CDH4: variants seen among roughly 807,000 people sequenced by gnomAD.
The protein encoded by CDH4 is cadherin-4.
In CDH4, 33 loss-of-function variants were observed where a neutral mutation model predicts 86.0. The observed-to-expected ratio is 0.38, with a 90% CI of 0.29 to 0.51. The LOEUF (loss-of-function observed/expected upper bound fraction) is 0.51, where lower values mean the gene tolerates loss of function less well. CDH4 is among the 20% of genes least tolerant of loss of function. CDH4 has a pLI of 0.86. For synonymous variants in CDH4, 555 were observed against 549.4 expected (o/e 1.01, Z -0.14); for missense variants, 1,114 against 1,307.4 (o/e 0.85, Z 2.28).
chr20:61,746,660 A>T (rs960850259), intron 3 of CDH4, among the ~76,000 whole-genome samples: 9 of 152,246 alleles, frequency 5.9e-5, no homozygotes, highest in East Asian at 1.9e-4. Context: ...AATTCACACA[A>T]CTTTGAGGTG....
intron 4 of CDH4, among the ~76,000 whole-genome samples, chr20:61,799,252 T>G (rs1304035760): frequency 2.0e-5 from 3 of 152,182 alleles, no homozygotes; most frequent in Admixed American, 6.5e-5. Flanking sequence ...TGCAAAGAGG[T>G]AGGTCTGTGC....
At chr20:61,257,916 A>G (rs1020223170) in intron 2 of CDH4, among the ~76,000 whole-genome samples, 1 of 152,144 alleles carries the variant, frequency 6.6e-6, no homozygotes, top group Non-Finnish European at 1.5e-5. Context: ...CCCGGGTCGT[A>G]TCTCCCCTCT....
intron 2 of CDH4, among the ~76,000 whole-genome samples, chr20:61,675,146 C>A (rs1035267458): frequency 2.0e-5 from 3 of 152,212 alleles, no homozygotes; most frequent in African/African-American, 7.2e-5. Flanking sequence ...TGGCAGAAAT[C>A]CCTGCAGCTG....
chr20:61,472,584 T>C (rs2085510962), intron 2 of CDH4, among the ~76,000 whole-genome samples: 1 of 152,210 alleles, frequency 6.6e-6, no homozygotes, highest in Admixed American at 6.5e-5. Context: ...TTTCAAATAA[T>C]ACCTTATAAC....
At chr20:61,840,008 C>T (rs1190460682) in intron 4 of CDH4, among the ~76,000 whole-genome samples, 1 of 152,084 alleles carries the variant, frequency 6.6e-6, no homozygotes, top group Non-Finnish European at 1.5e-5. Flanking sequence ...CAAACTGACT[C>T]ACTCTGACCC....
chr20:61,409,086 A>G (rs1300753270), intron 2 of CDH4, among the ~76,000 whole-genome samples: 3 of 152,358 alleles, frequency 2.0e-5, no homozygotes, highest in East Asian at 1.9e-4. Context: ...TCTGTCTTCA[A>G]AGACCCAGCT....
At chr20:61,773,271 G>A (rs562259643) in intron 4 of CDH4, 89 bp downstream of exon 4, 15 of 1,290,850 alleles carry the variant, frequency 1.2e-5, no homozygotes, top group Admixed American at 2.7e-5. Flanking sequence ...GGCGGGTTCC[G>A]CGTTTGGTGT....
At chr20:61,388,734 A>G (rs1171581219) in intron 2 of CDH4, among the ~76,000 whole-genome samples, 2 of 152,228 alleles carry the variant, frequency 1.3e-5, no homozygotes, top group Non-Finnish European at 2.9e-5. Context: ...GTTTGTGTAT[A>G]CATGTGTATG....
intron 2 of CDH4, among the ~76,000 whole-genome samples, chr20:61,716,637 T>C (rs73314453): frequency 0.042 from 6,400 of 152,276 alleles, 417 homozygotes; most frequent in African/African-American, 0.14. Flanking sequence ...GGATCAAGTG[T>C]GGTGTTCACA....
At chr20:61,616,557 G>A (rs2086726704) in intron 2 of CDH4, among the ~76,000 whole-genome samples, 1 of 152,222 alleles carries the variant, frequency 6.6e-6, no homozygotes, top group Admixed American at 6.5e-5. Flanking sequence ...CCTGCTCCAG[G>A]GAGGGTCAGA....
At chr20:61,752,630 C>G (rs1157173266) in intron 3 of CDH4, among the ~76,000 whole-genome samples, 1 of 152,192 alleles carries the variant, frequency 6.6e-6, no homozygotes, top group Admixed American at 6.5e-5. Flanking sequence ...CACATGCCCT[C>G]ACCATTGCAA....
At chr20:61,280,683 C>T (rs1409949375) in intron 2 of CDH4, among the ~76,000 whole-genome samples, 1 of 152,202 alleles carries the variant, frequency 6.6e-6, no homozygotes, top group Non-Finnish European at 1.5e-5. Context: ...AAAATAAAAG[C>T]AGAGGCCCTG....
chr20:61,720,575 G>A (rs1383619812), intron 2 of CDH4, among the ~76,000 whole-genome samples: 1 of 146,580 alleles, frequency 6.8e-6, no homozygotes. Context: ...AGAGTACAGG[G>A]GTACAGAGTA....
chr20:61,874,791 G>A (rs555514043), intron 7 of CDH4, among the ~76,000 whole-genome samples: 34 of 152,304 alleles, frequency 2.2e-4, no homozygotes, highest in East Asian at 9.7e-4. Context: ...CATTCCAGAC[G>A]TAATTTACCC....
intron 2 of CDH4, among the ~76,000 whole-genome samples, chr20:61,384,564 T>TC (rs1188478136): frequency 6.6e-6 from 1 of 152,152 alleles, no homozygotes; most frequent in Non-Finnish European, 1.5e-5. Context: ...GCACTTCTCA[T>TC]CCCACCCTCT....
At chr20:61,936,418 ACC>A (rs3833322) in intron 15 of CDH4, among the ~76,000 whole-genome samples, 1 of 6,062 alleles carries the variant, frequency 1.6e-4, no homozygotes, top group Non-Finnish European at 2.5e-4. Context: ...CCTCTCCCAC[ACC>A]CCCCCCCCCA....
intron 3 of CDH4, among the ~76,000 whole-genome samples, chr20:61,749,577 G>A (rs2088462312): frequency 6.6e-6 from 1 of 152,064 alleles, no homozygotes; most frequent in Non-Finnish European, 1.5e-5. Flanking sequence ...AACAAAGAAT[G>A]TAACTGGAAA....
chr20:61,573,731 A>G (rs2145709489), intron 2 of CDH4, among the ~76,000 whole-genome samples: 1 of 152,308 alleles, frequency 6.6e-6, no homozygotes, highest in South Asian at 2.1e-4. Context: ...AGGAAGGGGC[A>G]ACAGCCGATG....
At chr20:61,589,007 C>T (rs116707722) in intron 2 of CDH4, among the ~76,000 whole-genome samples, 3 of 152,138 alleles carry the variant, frequency 2.0e-5, no homozygotes, top group African/African-American at 4.8e-5. Context: ...TAGTTGGAGC[C>T]GTTTGACGAC....
Sources: gnomAD v4.1 joint callset for allele counts (sites outside exome capture counted in the v4.1 genomes callset) on GRCh38, gnomAD v4.1.1 for gene constraint, MANE v1.5 for transcripts, NCBI Gene and HGNC (gene_info 2026-07-23, HGNC 2026-07-21) for gene names.